Variants in PCDHGA3 observed in about 807,000 individuals in gnomAD.
PCDHGA3 encodes protocadherin gamma subfamily A, 3, also known as protocadherin gamma-A3.
PCDHGA3 carries 40 observed loss-of-function variants against 58.5 expected under a neutral mutation model. The observed-to-expected ratio is 0.68, with a 90% CI of 0.53 to 0.89. The LOEUF (loss-of-function observed/expected upper bound fraction) is 0.89, where lower values mean the gene tolerates loss of function less well. Among genes scored for constraint, PCDHGA3 ranks in the 40% least tolerant of loss-of-function variants. The pLI is 0.00. For missense variants in PCDHGA3, 1,223 were observed against 1,195.9 expected, an observed-to-expected ratio of 1.02 and a Z score of -0.33; for synonymous variants, 530 against 525.7, an observed-to-expected ratio of 1.01 and a Z score of -0.11.
intron 1 of PCDHGA3, chr5:141,371,832 G>C (rs765040359): frequency 6.2e-7 from 1 of 1,613,780 alleles, no homozygotes. Context: ...CTCGGATCCC[G>C]ACTTGGGACC....
intron 2 of PCDHGA3, among the ~76,000 whole-genome samples, chr5:141,504,141 T>C (rs1289360763): frequency 6.6e-6 from 1 of 152,192 alleles, no homozygotes; most frequent in East Asian, 1.9e-4. Flanking sequence ...AACACTCCCC[T>C]GCAAATTGAA....
intron 1 of PCDHGA3, chr5:141,356,136 T>C (rs1279455399): frequency 1.2e-6 from 2 of 1,613,734 alleles, no homozygotes; most frequent in South Asian, 1.1e-5. Context: ...ATGAGGACTC[T>C]GGATTCTATG....
At chr5:141,354,906 A>G (rs942158415) in intron 1 of PCDHGA3, 1 of 402,682 alleles carries the variant, frequency 2.5e-6, no homozygotes, top group Non-Finnish European at 4.4e-6. Context: ...ATAGGAATAG[A>G]AAAGTGTATA....
In PCDHGA3 at chr5:141,476,321, G is replaced by GT; in HGVS notation, c.2425-18485dup. ...CCTCTCAGCCCGCAGGTTCCGGGTG[G>GT]TGTCTGGAGCTAGCCGAAGATTCTT... On this transcript the variant is annotated intron_variant, in intron 1 of 3. Coordinates refer to ENST00000253812, the MANE Select transcript of PCDHGA3 (RefSeq NM_018916.4). The surrounding 1 kb of genome is among the most constrained non-coding windows in gnomAD (Gnocchi z 7.6). The GT allele has an allele frequency of 6.2e-7, 1 of 1,614,196 alleles. No individual in the cohort carries two copies. Among genetic ancestry groups the GT allele is most frequent in the Non-Finnish European group, 8.5e-7 (1 of 1,180,050 alleles).
intron 1 of PCDHGA3, chr5:141,390,211 A>C (rs2092083901): frequency 6.2e-7 from 1 of 1,613,936 alleles, no homozygotes. Context: ...TCAGGACAAG[A>C]CATACTTTGC....
intron 1 of PCDHGA3, chr5:141,415,066 C>G: frequency 6.2e-7 from 1 of 1,613,410 alleles, no homozygotes; most frequent in Non-Finnish European, 8.5e-7. Context: ...GGGCGAGGTG[C>G]GCACGGCGCG....
chr5:141,410,287 C>T (rs1277233674), intron 1 of PCDHGA3: 1 of 1,614,018 alleles, frequency 6.2e-7, no homozygotes, highest in East Asian at 2.2e-5. Context: ...TGGTGGTGGC[C>T]TTGGCCTTAA....
chr5:141,345,385 C>T lies in PCDHGA3; in HGVS notation c.1352C>T (p.Thr451Ile). 1.2e-6 allele frequency: 2 copies of T among 1,614,162 alleles called. No individual in the cohort carries two copies. The highest frequency in any genetic ancestry group is 1.7e-6 in the Non-Finnish European group (2 of 1,180,036). Residue 451 changes from threonine (T) to isoleucine (I), a missense_variant, in exon 1 of 4, where the codon ACC becomes ATC. Thr to Ile is a moderately conservative substitution (Grantham distance 89). This residue lies in a region of PCDHGA3 where 791 missense variants were observed against 708.5 expected (regional missense o/e 1.12). Transcript: ENST00000253812. Reference protein sequence around the residue: ...HVIDINDNPPTFPHLSYSAYI... With the variant: ...HVIDINDNPPIFPHLSYSAYI... The stretch of plus-strand genomic sequence containing the variant: ...ATTGACATCAATGACAACCCACCCA[C>T]CTTCCCTCATTTATCCTACTCCGCC...
chr5:141,352,709 G>A (rs768287553), intron 1 of PCDHGA3: 3 of 1,543,562 alleles, frequency 1.9e-6, no homozygotes, highest in African/African-American at 1.4e-5. Flanking sequence ...ATATATGGCG[G>A]CCGGGCGCGG....
At chr5:141,396,656 G>A (rs6580187) in intron 1 of PCDHGA3, 27,943 of 151,880 alleles carry the variant, frequency 0.18, 3,100 homozygotes, top group African/African-American at 0.31. Flanking sequence ...GTAAAAACTC[G>A]GTATAGGCTA....
intron 1 of PCDHGA3, among the ~76,000 whole-genome samples, chr5:141,397,819 A>G (rs1159682049): frequency 6.6e-6 from 1 of 152,240 alleles, no homozygotes; most frequent in African/African-American, 2.4e-5. Flanking sequence ...AAAAACAATT[A>G]CTGCACTGGT....
intron 1 of PCDHGA3, chr5:141,415,006 C>A (rs1353721901): frequency 6.2e-7 from 1 of 1,613,652 alleles, no homozygotes; most frequent in Non-Finnish European, 8.5e-7. Context: ...GCTGTCCTAC[C>A]GTCTGCTCAA....
chr5:141,438,625 TATATATATATACACAC>T (rs1232816129), intron 1 of PCDHGA3, among the ~76,000 whole-genome samples: 1,472 of 46,190 alleles, frequency 0.032, 16 homozygotes, highest in African/African-American at 0.13. Context: ...TATATATATA[TATATATATATACACAC>T]ACACACACAC....
At chr5:141,452,490 C>A (rs2098742307) in intron 1 of PCDHGA3, among the ~76,000 whole-genome samples, 1 of 152,188 alleles carries the variant, frequency 6.6e-6, no homozygotes, top group East Asian at 1.9e-4. Flanking sequence ...TAAACACACC[C>A]ATATTTATAT....
Position 141,490,413 on chromosome 5 carries a change from G to A in PCDHGA3, c.2425-4394G>A, listed in dbSNP as rs2233606. On this transcript the variant is annotated intron_variant, in intron 1 of 3. Transcript: ENST00000253812. The surrounding 1 kb of genome is among the most constrained non-coding windows in gnomAD (Gnocchi z 5.4). ...GTGAAGTGAGCCTTGATATCTCTCC[G>A]GACCTGCCATTTCAGATTAAGCCTT... 2.3e-3 allele frequency: 3,787 copies of A among 1,614,128 alleles called. 38 individuals are homozygous for A. In the African/African-American group the frequency reaches 0.027, roughly 12 times the overall value.
intron 3 of PCDHGA3, among the ~76,000 whole-genome samples, chr5:141,508,772 C>T (rs1015277795): frequency 5.3e-5 from 8 of 152,070 alleles, no homozygotes; most frequent in African/African-American, 1.2e-4. Flanking sequence ...TGAGGTCCCC[C>T]CTCTAGCCCC....
intron 1 of PCDHGA3, among the ~76,000 whole-genome samples, chr5:141,475,097 T>C (rs180692931): frequency 6.6e-6 from 1 of 152,370 alleles, no homozygotes; most frequent in East Asian, 1.9e-4. Context: ...TTTATAAAGA[T>C]CCTAGGTGGT....
At position 141,345,811 on chromosome 5, in the gene PCDHGA3, C is replaced by T. The variant is rs1757645365; in HGVS notation, c.1778C>T (p.Ala593Val). ...EPGYLVTKVVAVDRDSGQNAW... is the reference protein window; with the variant it reads ...EPGYLVTKVVVVDRDSGQNAW... ...GGCTACCTGGTGACCAAGGTGGTGG[C>T]GGTGGACAGAGACTCGGGCCAGAAC... The change falls in exon 1 of 4, where the codon GCG becomes GTG. Residue 593 changes from alanine (A) to valine (V), a missense_variant. Coordinates refer to ENST00000253812, the MANE Select transcript of PCDHGA3 (RefSeq NM_018916.4). 10 of 1,613,738 alleles carry T rather than the reference C, an allele frequency of 6.2e-6. No homozygotes were observed. Among genetic ancestry groups the T allele is most frequent in the Non-Finnish European group, 8.5e-6 (10 of 1,180,026 alleles).
chr5:141,415,815 A>G, intron 1 of PCDHGA3: 1 of 1,337,656 alleles, frequency 7.5e-7, no homozygotes, highest in East Asian at 2.7e-5. Context: ...AGGCCTATAT[A>G]TCATAAGGCT....
Sources: allele counts gnomAD v4.1 joint callset (sites outside exome capture counted in the v4.1 genomes callset), GRCh38; gene constraint gnomAD v4.1.1; regional missense constraint gnomAD v4.1.1; non-coding constraint Gnocchi (gnomAD v3.1); transcripts MANE v1.5; gene names NCBI Gene and HGNC (gene_info 2026-07-23, HGNC 2026-07-21).